Variants in CAMKMT observed in about 807,000 individuals in gnomAD.
CAMKMT encodes calmodulin-lysine N-methyltransferase, also known as CaM KMT.
CAMKMT carries 53 observed loss-of-function variants against 48.0 expected under a neutral mutation model. The observed-to-expected ratio is 1.10, with a 90% CI of 0.89 to 1.39. The LOEUF (loss-of-function observed/expected upper bound fraction) is 1.39. Among genes scored for constraint, CAMKMT ranks in the 40% most tolerant of loss-of-function variants. The pLI, the probability that CAMKMT is intolerant of heterozygous loss-of-function variation, is 0.00. For synonymous variants in CAMKMT, 165 were observed against 152.3 expected, an observed-to-expected ratio of 1.08 and a Z score of -0.61; for missense variants, 428 against 402.7, an observed-to-expected ratio of 1.06 and a Z score of -0.54.
intron 3 of CAMKMT, among the ~76,000 whole-genome samples, chr2:44,452,904 G>C (rs1479449154): frequency 6.6e-6 from 1 of 151,998 alleles, no homozygotes; most frequent in South Asian, 2.1e-4. Flanking sequence ...TGCTGGGGAA[G>C]AATGGTTCGG....
In CAMKMT at chr2:44,361,970, C is replaced by T. The variant is rs770580663; in HGVS notation, c.-38C>T. ...GCAGGTCCTGGCAGGGGACGAGCTG[C>T]GGCGGTGGCACCTCCGGGTGTGGAA... On this transcript the variant is annotated 5_prime_UTR_variant, in exon 1 of 11. Coordinates refer to ENST00000378494, the MANE Select transcript of CAMKMT (RefSeq NM_024766.5). 1.5e-6 allele frequency: 2 copies of T among 1,362,058 alleles called. No individual in the cohort carries two copies. Among genetic ancestry groups the T allele is most frequent in the Non-Finnish European group, 1.9e-6 (2 of 1,061,704 alleles). The allele number at this position is 1,362,058 out of a possible 1,614,324, so 84.4% of individuals were successfully genotyped here.
intron 3 of CAMKMT, among the ~76,000 whole-genome samples, chr2:44,648,375 T>C (rs1673869290): frequency 6.6e-6 from 1 of 152,150 alleles, no homozygotes; most frequent in Non-Finnish European, 1.5e-5. Context: ...AATGCATGAT[T>C]ATTTATTAAA....
chr2:44,554,701 T>A (rs1252450638), intron 3 of CAMKMT, among the ~76,000 whole-genome samples: 1 of 151,774 alleles, frequency 6.6e-6, no homozygotes, highest in Non-Finnish European at 1.5e-5. Flanking sequence ...TTAGACCTTG[T>A]CTCTATAAAA....
At chr2:44,523,699 A>G (rs751663996) in intron 3 of CAMKMT, among the ~76,000 whole-genome samples, 5 of 150,784 alleles carry the variant, frequency 3.3e-5, no homozygotes, top group African/African-American at 7.3e-5. Context: ...GTACCTGTAT[A>G]TGACCTCTAT....
At chr2:44,734,298 A>G (rs552383675) in intron 7 of CAMKMT, among the ~76,000 whole-genome samples, 3 of 152,092 alleles carry the variant, frequency 2.0e-5, no homozygotes, top group South Asian at 2.1e-4. Flanking sequence ...GTTTTCATTT[A>G]TTCTTTGGAC....
chr2:44,763,791 G>C (rs1234353982), intron 9 of CAMKMT, among the ~76,000 whole-genome samples: 1 of 152,180 alleles, frequency 6.6e-6, no homozygotes, highest in African/African-American at 2.4e-5. Context: ...CCCAACCAGG[G>C]CATGTGGAGA....
rs115053202 is a variant in CAMKMT, at chr2:44,503,679, G to A, written c.376+113374G>A. Among the ~76,000 whole-genome samples, 1,303 of 152,240 alleles carry A rather than the reference G, an allele frequency of 8.6e-3. 11 individuals carry two copies. Among genetic ancestry groups the A allele is most frequent in the African/African-American group, 0.024 (1,002 of 41,514 alleles). ...TCTAGGCTTCTTCATTTGTCCACGT[G>A]AAGTCTGTCCAAACCCAGTGTGACA... is the stretch of plus-strand genomic sequence containing the variant. On this transcript the variant is annotated intron_variant, in intron 3 of 10. Coordinates refer to ENST00000378494, the MANE Select transcript of CAMKMT (RefSeq NM_024766.5).
chr2:44,662,119 A>G (rs1245288860), intron 3 of CAMKMT, among the ~76,000 whole-genome samples: 1 of 152,182 alleles, frequency 6.6e-6, no homozygotes, highest in Non-Finnish European at 1.5e-5. Flanking sequence ...TAGTACCTCA[A>G]GTGTTTGAAG....
At chr2:44,402,968 C>G (rs1067322) in intron 3 of CAMKMT, among the ~76,000 whole-genome samples, 1 of 146,628 alleles carries the variant, frequency 6.8e-6, no homozygotes, top group Non-Finnish European at 1.5e-5. Flanking sequence ...TCCTTTAAAT[C>G]GCTTTTTCTG....
intron 3 of CAMKMT, among the ~76,000 whole-genome samples, chr2:44,648,080 G>C (rs563289130): frequency 1.0e-3 from 158 of 152,092 alleles, no homozygotes; most frequent in Non-Finnish European, 1.8e-3. Context: ...AAAAGAATGA[G>C]GTCAATCTTA....
chr2:44,656,211 A>T, intron 3 of CAMKMT, among the ~76,000 whole-genome samples: 1 of 152,216 alleles, frequency 6.6e-6, no homozygotes, highest in Non-Finnish European at 1.5e-5. Context: ...AAGTAAGGGA[A>T]TGTTATTTAT....
At chr2:44,726,560 C>T (rs1678798736) in intron 7 of CAMKMT, among the ~76,000 whole-genome samples, 1 of 152,200 alleles carries the variant, frequency 6.6e-6, no homozygotes, top group Non-Finnish European at 1.5e-5. Flanking sequence ...TGCTCCCATT[C>T]TGTGTATTGT....
chr2:44,549,654 T>G, intron 3 of CAMKMT: 3 of 597,428 alleles, frequency 5.0e-6, no homozygotes, highest in Non-Finnish European at 8.9e-6. Context: ...AAGAAACACT[T>G]CGTGGCAGAA....
intron 3 of CAMKMT, among the ~76,000 whole-genome samples, chr2:44,670,208 T>C (rs2104122398): frequency 6.6e-6 from 1 of 152,348 alleles, no homozygotes; most frequent in Non-Finnish European, 1.5e-5. Context: ...AGAAATTTCT[T>C]GAACTATAAG....
chr2:44,628,717 A>C (rs1036456260), intron 3 of CAMKMT, among the ~76,000 whole-genome samples: 2 of 152,064 alleles, frequency 1.3e-5, no homozygotes, highest in African/African-American at 4.8e-5. Flanking sequence ...TTGATATGCT[A>C]TATTTTAATT....
intron 3 of CAMKMT, among the ~76,000 whole-genome samples, chr2:44,424,776 G>A (rs1052924642): frequency 1.3e-5 from 2 of 152,134 alleles, no homozygotes; most frequent in Non-Finnish European, 2.9e-5. Flanking sequence ...AGGGTGAGAC[G>A]GGAGTAAGGG....
At chr2:44,417,001 A>G (rs1318129202) in intron 3 of CAMKMT, among the ~76,000 whole-genome samples, 2 of 151,780 alleles carry the variant, frequency 1.3e-5, no homozygotes, top group African/African-American at 2.4e-5. Context: ...TGGCCTGATC[A>G]TGGCTCACTG....
chr2:44,722,580 C>T (rs1317310738), intron 7 of CAMKMT, among the ~76,000 whole-genome samples: 3 of 151,648 alleles, frequency 2.0e-5, no homozygotes, highest in East Asian at 1.9e-4. Context: ...TTATTTTGTA[C>T]GTGATATTTG....
intron 3 of CAMKMT, among the ~76,000 whole-genome samples, chr2:44,508,704 A>G (rs1306401332): frequency 2.0e-5 from 3 of 152,224 alleles, no homozygotes; most frequent in Non-Finnish European, 4.4e-5. Flanking sequence ...AAATAATCCT[A>G]TGATAAATAT....
Sources: gnomAD v4.1 joint callset for allele counts (sites outside exome capture counted in the v4.1 genomes callset) on GRCh38, gnomAD v4.1.1 for gene constraint, MANE v1.5 for transcripts, NCBI Gene and HGNC (gene_info 2026-07-23, HGNC 2026-07-21) for gene names.